The following CCDC61 variants were observed in gnomAD, a reference collection of about 807,000 sequenced individuals.
CCDC61 encodes coiled-coil domain containing 61.
Under a neutral mutation model 63.0 loss-of-function variants are expected in CCDC61, and 55 were observed. The observed-to-expected ratio is 0.87, with a 90% confidence interval of 0.70 to 1.09. The LOEUF is 1.09. Among genes scored for constraint, CCDC61 ranks in the 50% least tolerant of loss-of-function variants. CCDC61 has a pLI of 0.00. For synonymous variants in CCDC61, 270 were observed against 317.0 expected (o/e 0.85, Z 1.58); for missense variants, 651 against 731.4 (o/e 0.89, Z 1.27).
Position 46,015,335 on chromosome 19 carries a change from C to T in CCDC61, c.763-10C>T. The stretch of plus-strand genomic sequence containing the variant: ...GCCTGGACCTCCGCGCCCCTCTCCC[C>T]TCCCGGCAGCTCGAGGAGGCGAAGG... On this transcript the variant is annotated splice_polypyrimidine_tract_variant and intron_variant, in intron 6 of 13. Transcript: ENST00000595358. The surrounding 1 kb of genome is among the most constrained non-coding windows in gnomAD (Gnocchi z 5.3). The T allele has an allele frequency of 5.6e-6, 9 of 1,598,526 alleles. No homozygotes were observed. Among genetic ancestry groups the T allele is most frequent in the Non-Finnish European group, 6.8e-6 (8 of 1,177,952 alleles).
chr19:46,017,409 A>G (rs1220100911), intron 12 of CCDC61, 105 bp downstream of exon 12: 2 of 1,060,878 alleles, frequency 1.9e-6, no homozygotes, highest in East Asian at 2.6e-5. Context: ...GCCTTTGGCA[A>G]TAGGGCTTTT....
intron 5 of CCDC61, among the ~76,000 whole-genome samples, chr19:46,010,102 C>T (rs745695983): frequency 5.1e-4 from 77 of 152,282 alleles, no homozygotes; most frequent in South Asian, 1.4e-3. Flanking sequence ...CACTGCCTGA[C>T]GCTAGTTAAT....
chr19:46,015,858 A>G lies in CCDC61; in HGVS notation c.846-196A>G, dbSNP rs1968920887. ...TGTGTTGAAAGGATGTAGGGGAATGACAGAGGGGTGTTTTAGGGGTCCAAT... is the reference window on the plus strand; with the variant it reads ...TGTGTTGAAAGGATGTAGGGGAATGGCAGAGGGGTGTTTTAGGGGTCCAAT... On this transcript the variant is annotated intron_variant, in intron 7 of 13. Coordinates refer to ENST00000595358, the MANE Select transcript of CCDC61 (RefSeq NM_001267723.2). The surrounding 1 kb of genome is among the most constrained non-coding windows in gnomAD (Gnocchi z 5.3). 6.6e-6 allele frequency among the ~76,000 whole-genome samples: 1 copy of G among 150,938 alleles called. No homozygotes were observed. Among genetic ancestry groups the G allele is most frequent in the Non-Finnish European group, 1.5e-5 (1 of 67,808 alleles).
Position 46,015,269 on chromosome 19 carries a change from G to C in CCDC61, c.762+10G>C. 6.6e-7 allele frequency: 1 copy of C among 1,514,704 alleles called. No individual in the cohort carries two copies. The highest frequency in any genetic ancestry group is 8.8e-7 in the Non-Finnish European group (1 of 1,140,660). The allele number at this position is 1,514,704 out of a possible 1,614,324, so 93.8% of individuals were successfully genotyped here. A position where few individuals can be genotyped will look rare whatever the true frequency, so the allele number is the denominator to read the frequency against. On this transcript the variant is annotated intron_variant, in intron 6 of 13. Transcript: ENST00000595358. The surrounding 1 kb of genome is among the most constrained non-coding windows in gnomAD (Gnocchi z 5.3). ...CCGTCTGGCCAAGGAGGTGAGCAGC[G>C]GGGGCCCGGGGCGGCCAGCGAGGCG... is the stretch of plus-strand genomic sequence containing the variant.
chr19:45,999,131 G>A (rs1968544883), intron 1 of CCDC61, among the ~76,000 whole-genome samples: 1 of 152,216 alleles, frequency 6.6e-6, no homozygotes, highest in South Asian at 2.1e-4. Flanking sequence ...GTTAATAAGT[G>A]TGCATGGTCC....
chr19:46,003,623 C>A, intron 3 of CCDC61, 122 bp downstream of exon 3: 1 of 587,752 alleles, frequency 1.7e-6, no homozygotes, highest in Non-Finnish European at 2.9e-6. Flanking sequence ...GGGAAGAGGG[C>A]GATCATTTTC....
At chr19:46,017,850 TTA>T (rs142304981) in intron 12 of CCDC61, among the ~76,000 whole-genome samples, 1 of 152,274 alleles carries the variant, frequency 6.6e-6, no homozygotes, top group Non-Finnish European at 1.5e-5. Flanking sequence ...TCTCTGTACC[TTA>T]GTTTTTGTTT....
rs746401 is a variant in CCDC61, at chr19:45,995,569, G to T, written c.-12+65G>T. 6.7e-6 allele frequency: 3 copies of T among 446,040 alleles called. No homozygotes were observed. In the Admixed American group the frequency reaches 7.7e-5, roughly 11 times the overall value. 27.6% of individuals were successfully genotyped at this position (446,040 alleles called of 1,614,324 possible). A position where few individuals can be genotyped will look rare whatever the true frequency, so the allele number is the denominator to read the frequency against. On this transcript the variant is annotated intron_variant, in intron 1 of 13. Coordinates refer to ENST00000595358, the MANE Select transcript of CCDC61 (RefSeq NM_001267723.2). ...GGAGGTCTTAGGTGGAGGGGAAGGG[G>T]CTTCTCTCGGGGGAGAGTGGGCTGC...
chr19:45,996,707 A>G (rs1304519650), intron 1 of CCDC61, among the ~76,000 whole-genome samples: 2 of 152,114 alleles, frequency 1.3e-5, no homozygotes, highest in African/African-American at 4.8e-5. Flanking sequence ...GCTAGCTTGG[A>G]GTCTTCTTCA....
rs1351715356 is a variant in CCDC61, at chr19:46,016,440, C to T, written c.1091+47C>T. On this transcript the variant is annotated intron_variant, in intron 9 of 13. Coordinates refer to ENST00000595358, the MANE Select transcript of CCDC61 (RefSeq NM_001267723.2). This position sits in a 1 kb window ranked among gnomAD's most constrained non-coding sequence, Gnocchi z 7.2. ...ACCTGCCCCTGTCCCTGGCCCGTGC[C>T]CGCTCCCGGGCTCTCATCTCTCCAC... The T allele has an allele frequency of 3.1e-6, 5 of 1,597,408 alleles. No homozygotes were observed. The highest frequency in any genetic ancestry group is 1.3e-5 in the African/African-American group (1 of 74,828).
Position 46,015,477 on chromosome 19 carries a change from G to C in CCDC61, c.845+50G>C, listed in dbSNP as rs774816666. 8.0e-5 allele frequency: 121 copies of C among 1,519,030 alleles called. No individual in the cohort carries two copies. Among genetic ancestry groups the C allele is most frequent in the East Asian group, 4.9e-4 (20 of 40,738 alleles). 94.1% of individuals were successfully genotyped at this position (1,519,030 alleles called of 1,614,324 possible). ...CTGGGCGGATGGGCGGGCCCTGAGG[G>C]TGTGGAGGCTGATGAGGCGGAGCCT... On this transcript the variant is annotated intron_variant, in intron 7 of 13. Coordinates refer to ENST00000595358, the MANE Select transcript of CCDC61 (RefSeq NM_001267723.2). The surrounding 1 kb of genome is among the most constrained non-coding windows in gnomAD (Gnocchi z 5.3).
chr19:46,006,336 T>C (rs757731755), intron 3 of CCDC61, among the ~76,000 whole-genome samples: 1 of 152,266 alleles, frequency 6.6e-6, no homozygotes, highest in Non-Finnish European at 1.5e-5. Flanking sequence ...GTCACAGGTC[T>C]AAGCTGTTCT....
chr19:45,997,239 C>G (rs1440092786), intron 1 of CCDC61, among the ~76,000 whole-genome samples: 1 of 152,196 alleles, frequency 6.6e-6, no homozygotes, highest in Non-Finnish European at 1.5e-5. Flanking sequence ...GTCTGTGTGG[C>G]TTCTTCCACA....
intron 1 of CCDC61, among the ~76,000 whole-genome samples, chr19:46,002,054 C>T (rs1968600763): frequency 6.6e-6 from 1 of 152,156 alleles, no homozygotes. Context: ...AGCGATTCTC[C>T]TGCCTCAGCC....
At chr19:46,008,325 C>A in intron 5 of CCDC61, 24 bp downstream of exon 5, 1 of 570,900 alleles carries the variant, frequency 1.8e-6, no homozygotes, top group Non-Finnish European at 3.3e-6. Context: ...GGGTGGGCAG[C>A]TGGGGCGGGT....
intron 1 of CCDC61, among the ~76,000 whole-genome samples, chr19:45,997,570 T>C (rs141586150): frequency 0.028 from 4,271 of 152,124 alleles, 205 homozygotes; most frequent in African/African-American, 0.097. Flanking sequence ...TTTACATTTT[T>C]AGTAGAGACG....
rs1600656020 is a variant in CCDC61 at position 46,016,879 on chromosome 19, C to T, written c.1231+46C>T. The T allele has an allele frequency of 2.8e-5, 8 of 284,408 alleles. No homozygotes were observed. The highest frequency in any genetic ancestry group is 5.1e-5 in the Non-Finnish European group (8 of 158,240). 17.6% of individuals were successfully genotyped at this position (284,408 alleles called of 1,614,324 possible). On this transcript the variant is annotated intron_variant, in intron 10 of 13. Coordinates refer to ENST00000595358, the MANE Select transcript of CCDC61 (RefSeq NM_001267723.2). This position sits in a 1 kb window ranked among gnomAD's most constrained non-coding sequence, Gnocchi z 7.2. ...GGCTGCCGGGCTAGGCGGGACTGGG[C>T]GGGGCTGGGCGGGCTGGGAGGCACT... is the stretch of plus-strand genomic sequence containing the variant.
At position 46,018,384 on chromosome 19, in the gene CCDC61, A is replaced by G. The variant is rs373245303; in HGVS notation, c.1536A>G (p.Ser512=). The G allele has an allele frequency of 5.1e-5, 79 of 1,564,190 alleles. No individual in the cohort carries two copies. In the African/African-American group the frequency reaches 9.1e-4, roughly 18 times the overall value. The change falls in exon 14 of 14, where the codon TCA becomes TCG. Residue 512 remains serine (S), a synonymous_variant. Coordinates refer to ENST00000595358, the MANE Select transcript of CCDC61 (RefSeq NM_001267723.2). The surrounding 1 kb of genome is among the most constrained non-coding windows in gnomAD (Gnocchi z 4.2). ...ACATGAACCGACTGGACATGCGGTC[A>G]TAACGTGGAGAAGGGGTACTACCCC... The part of the protein sequence containing the change: ...QEYMNRLDMR[S]
intron 5 of CCDC61, among the ~76,000 whole-genome samples, chr19:46,012,270 A>G (rs1968842276): frequency 6.6e-6 from 1 of 152,206 alleles, no homozygotes; most frequent in South Asian, 2.1e-4. Flanking sequence ...GTGAAAAATA[A>G]TATACTCCAA....
Sources: allele counts gnomAD v4.1 joint callset (sites outside exome capture counted in the v4.1 genomes callset), GRCh38; gene constraint gnomAD v4.1.1; non-coding constraint Gnocchi (gnomAD v3.1); transcripts MANE v1.5; gene names NCBI Gene and HGNC (gene_info 2026-07-23, HGNC 2026-07-21).